Variants in REEP3 observed in about 807,000 individuals in gnomAD.
REEP3 encodes receptor accessory protein 3.
A neutral mutation model predicts 41.3 loss-of-function variants in REEP3; 20 were observed. That is an observed-to-expected ratio of 0.48 (90% CI 0.34 to 0.70). The LOEUF (loss-of-function observed/expected upper bound fraction) is 0.70. Ranked by LOEUF, REEP3 falls within the 30% of genes least tolerant of loss-of-function variation. The pLI is 0.01. For synonymous variants in REEP3, 104 were observed against 101.8 expected, an observed-to-expected ratio of 1.02 and a Z score of -0.13; for missense variants, 271 against 308.8, an observed-to-expected ratio of 0.88 and a Z score of 0.92.
intron 5 of REEP3, among the ~76,000 whole-genome samples, chr10:63,605,432 A>T (rs986343726): frequency 6.6e-6 from 1 of 152,204 alleles, no homozygotes; most frequent in African/African-American, 2.4e-5. Flanking sequence ...TCAACAAGAA[A>T]TAGAGCTTAG....
intron 1 of REEP3, among the ~76,000 whole-genome samples, chr10:63,538,326 C>A (rs1157545828): frequency 6.6e-6 from 1 of 152,168 alleles, no homozygotes; most frequent in African/African-American, 2.4e-5. Context: ...ATAACATTAG[C>A]CCAGAATCTG....
intron 1 of REEP3, among the ~76,000 whole-genome samples, chr10:63,526,146 T>C (rs1955362508): frequency 1.3e-5 from 2 of 152,192 alleles, no homozygotes; most frequent in African/African-American, 2.4e-5. Context: ...TTAATTAGAG[T>C]ATAGTAAAAA....
intron 5 of REEP3, among the ~76,000 whole-genome samples, chr10:63,608,483 G>A (rs930195884): frequency 3.9e-5 from 6 of 152,156 alleles, no homozygotes; most frequent in African/African-American, 1.4e-4. Context: ...ATGCCCAAAT[G>A]TTTGTAGCAC....
At chr10:63,610,037 A>G in intron 5 of REEP3, 150 bp from the exon 6 acceptor site, 1 of 608,126 alleles carries the variant, frequency 1.6e-6, no homozygotes, top group Non-Finnish European at 2.7e-6. Flanking sequence ...TATGTGAGAA[A>G]GCAGATACCG....
intron 1 of REEP3, among the ~76,000 whole-genome samples, chr10:63,546,181 T>C (rs1026480042): frequency 6.6e-6 from 1 of 152,130 alleles, no homozygotes; most frequent in African/African-American, 2.4e-5. Flanking sequence ...AGCAGAGAAG[T>C]GATATTATCA....
intron 1 of REEP3, among the ~76,000 whole-genome samples, chr10:63,556,512 A>G (rs181476508): frequency 6.9e-6 from 1 of 144,130 alleles, no homozygotes; most frequent in Non-Finnish European, 1.6e-5. Flanking sequence ...TATAAATGAC[A>G]GAAAAATTTG....
chr10:63,542,408 T>G (rs553237269), intron 1 of REEP3, among the ~76,000 whole-genome samples: 5 of 152,206 alleles, frequency 3.3e-5, no homozygotes, highest in Admixed American at 6.5e-5. Context: ...TGTATGACTT[T>G]ACTGCATCTC....
At chr10:63,547,411 G>T (rs1046979342) in intron 1 of REEP3, among the ~76,000 whole-genome samples, 10 of 152,094 alleles carry the variant, frequency 6.6e-5, no homozygotes, top group South Asian at 2.1e-4. Flanking sequence ...TGCAAAAAAT[G>T]GCTCATATTC....
intron 1 of REEP3, among the ~76,000 whole-genome samples, chr10:63,538,496 G>A (rs570339339): frequency 3.3e-5 from 5 of 152,278 alleles, no homozygotes; most frequent in African/African-American, 1.2e-4. Flanking sequence ...CACTTTGGGA[G>A]GCCAAGGCGG....
At chr10:63,556,101 C>T (rs1955675965) in intron 1 of REEP3, among the ~76,000 whole-genome samples, 1 of 151,758 alleles carries the variant, frequency 6.6e-6, no homozygotes, top group African/African-American at 2.4e-5. Context: ...TTCTGGGATT[C>T]CTCATTGAGA....
intron 1 of REEP3, among the ~76,000 whole-genome samples, chr10:63,522,348 C>A (rs760352406): frequency 6.6e-6 from 1 of 152,094 alleles, no homozygotes; most frequent in Non-Finnish European, 1.5e-5. Context: ...TCATTGTTCT[C>A]CTACCAACAA....
intron 1 of REEP3, among the ~76,000 whole-genome samples, chr10:63,565,187 G>A (rs1301106256): frequency 1.3e-5 from 2 of 152,206 alleles, no homozygotes; most frequent in African/African-American, 2.4e-5. Flanking sequence ...TTGTCCCCAG[G>A]AGACAGAGGC....
In REEP3 at chr10:63,617,981, C is replaced by A. The variant is rs556740611; in HGVS notation, c.566-1674C>A. Reference sequence around the variant, plus strand: ...CTGGGATTACAGACTCCTGCCACCACGCCCAGCTAATTTCTGTGTTTTTAG... The same window carrying A: ...CTGGGATTACAGACTCCTGCCACCAAGCCCAGCTAATTTCTGTGTTTTTAG... On this transcript the variant is annotated intron_variant, in intron 6 of 7. Coordinates refer to ENST00000373758, the MANE Select transcript of REEP3 (RefSeq NM_001001330.3). Among the ~76,000 whole-genome samples the A allele has an allele frequency of 4.6e-5, 7 of 151,602 alleles. No homozygotes were observed. In the East Asian group the frequency reaches 1.4e-3, roughly 30 times the overall value.
chr10:63,553,636 G>T (rs955370402), intron 1 of REEP3, among the ~76,000 whole-genome samples: 18 of 152,014 alleles, frequency 1.2e-4, no homozygotes, highest in African/African-American at 4.3e-4. Flanking sequence ...TTCACTTTGT[G>T]GTCATGTGAT....
intron 1 of REEP3, among the ~76,000 whole-genome samples, chr10:63,534,760 G>T (rs539784551): frequency 6.6e-6 from 1 of 152,292 alleles, no homozygotes; most frequent in South Asian, 2.1e-4. Context: ...CATTTTAAAA[G>T]TAATGGTTAC....
intron 2 of REEP3, among the ~76,000 whole-genome samples, chr10:63,574,602 G>C (rs886368666): frequency 6.6e-6 from 1 of 152,012 alleles, no homozygotes; most frequent in Non-Finnish European, 1.5e-5. Flanking sequence ...ACTATTCACA[G>C]CTGATCTCCA....
intron 1 of REEP3, among the ~76,000 whole-genome samples, chr10:63,559,594 G>A (rs570424033): frequency 6.6e-6 from 1 of 152,284 alleles, no homozygotes; most frequent in Non-Finnish European, 1.5e-5. Context: ...TGGAGTAAGA[G>A]TGCCTGGCTT....
chr10:63,571,437 T>C (rs1955851388), intron 2 of REEP3, among the ~76,000 whole-genome samples: 1 of 152,158 alleles, frequency 6.6e-6, no homozygotes. Context: ...CCGCATTCCT[T>C]GGTTTATGGC....
At chr10:63,552,448 T>A (rs1484963289) in intron 1 of REEP3, among the ~76,000 whole-genome samples, 1 of 152,172 alleles carries the variant, frequency 6.6e-6, no homozygotes, top group Non-Finnish European at 1.5e-5. Flanking sequence ...GATGAACTAT[T>A]AATACCTAAA....
Sources: gnomAD v4.1 joint callset for allele counts (sites outside exome capture counted in the v4.1 genomes callset) on GRCh38, gnomAD v4.1.1 for gene constraint, MANE v1.5 for transcripts, NCBI Gene and HGNC (gene_info 2026-07-23, HGNC 2026-07-21) for gene names.